The following NDUFAF6 variants were observed in gnomAD, a reference collection of about 807,000 sequenced individuals.
NDUFAF6 encodes NADH dehydrogenase (ubiquinone) complex I, assembly factor 6.
A neutral mutation model predicts 40.8 loss-of-function variants in NDUFAF6; 45 were observed. That is an observed-to-expected ratio of 1.10 (90% CI 0.87 to 1.42). The LOEUF is 1.42. Among genes scored for constraint, NDUFAF6 ranks in the 40% most tolerant of loss-of-function variants. The probability of loss-of-function intolerance (pLI) is 0.00; values close to 1 mark genes in which losing one functional copy is unlikely to be tolerated. For synonymous variants in NDUFAF6, 185 were observed against 155.9 expected, an observed-to-expected ratio of 1.19 and a Z score of -1.39; for missense variants, 435 against 418.5, an observed-to-expected ratio of 1.04 and a Z score of -0.34.
intron 2 of NDUFAF6, among the ~76,000 whole-genome samples, chr8:94,992,057 G>A (rs1002138992): frequency 2.6e-5 from 4 of 152,094 alleles, no homozygotes; most frequent in Admixed American, 6.6e-5. Context: ...GATGGCTTTT[G>A]CCAAATTGCC....
rs1042634444 is a variant in NDUFAF6 at position 94,930,865 on chromosome 8, A to C, written c.-935-14618A>C. The C allele has an allele frequency of 3.1e-5, 32 of 1,045,278 alleles. No individual in the cohort carries two copies. The East Asian group carries it at 8.0e-4, about 26-fold the overall frequency. The allele number at this position is 1,045,278 out of a possible 1,614,324, so 64.8% of individuals were successfully genotyped here. A position where few individuals can be genotyped will look rare whatever the true frequency, so the allele number is the denominator to read the frequency against. On this transcript the variant is annotated intron_variant, in intron 1 of 14. Transcript: ENST00000396113. ...AGAGCTTGTGTTTCATGGCTGACAGACAAGTTTATTATTCTGTGACCCCAC... is the reference window on the plus strand; with the variant it reads ...AGAGCTTGTGTTTCATGGCTGACAGCCAAGTTTATTATTCTGTGACCCCAC...
chr8:95,039,126 G>A (rs987707231), intron 3 of NDUFAF6, among the ~76,000 whole-genome samples: 23 of 151,364 alleles, frequency 1.5e-4, no homozygotes, highest in East Asian at 5.9e-4. Context: ...ACAGTTACCC[G>A]CCACCATGCC....
chr8:94,935,134 T>TAGATAGAC (rs1820844455), intron 1 of NDUFAF6, among the ~76,000 whole-genome samples: 1 of 145,820 alleles, frequency 6.9e-6, no homozygotes. Context: ...TAGATATAGA[T>TAGATAGAC]AGATAGATAG....
chr8:95,009,305 A>G (rs1233926426), intron 2 of NDUFAF6, among the ~76,000 whole-genome samples: 1 of 152,200 alleles, frequency 6.6e-6, no homozygotes, highest in Non-Finnish European at 1.5e-5. Context: ...CACATAATAC[A>G]TATATACCTC....
At chr8:94,954,666 G>A (rs1230460756), upstream of NDUFAF6, among the ~76,000 whole-genome samples, 1 of 111,156 alleles carries the variant, frequency 9.0e-6, no homozygotes, top group Non-Finnish European at 2.0e-5. Flanking sequence ...AAGGCCTGAG[G>A]TAGAAGAGTC....
intron 1 of NDUFAF6, among the ~76,000 whole-genome samples, chr8:94,923,732 T>C (rs1281260243): frequency 1.3e-5 from 2 of 150,714 alleles, no homozygotes; most frequent in Non-Finnish European, 3.0e-5. Context: ...CAGTCTGGAG[T>C]GCAGTGAGGG....
rs528649760 is a variant in NDUFAF6 at position 95,082,647 on chromosome 8, G to GTTTGTTTTGT, written n.213+6914_213+6923dup. Among the ~76,000 whole-genome samples the GTTTGTTTTGT allele has an allele frequency of 4.8e-3, 733 of 151,788 alleles. 4 individuals carry two copies. The highest frequency in any genetic ancestry group is 0.017 in the African/African-American group (690 of 41,288). ...TAGCATTCTTTTTGTTTGTTTGTTT[G>GTTTGTTTTGT]TTTGTTTTGTTTTGTTTTGTTTTGT... is the stretch of plus-strand genomic sequence containing the variant. On this transcript the variant is annotated intron_variant and non_coding_transcript_variant, in intron 2 of 5. Transcript: ENST00000523184.
At chr8:94,987,215 G>A (rs923362736) in intron 2 of NDUFAF6, among the ~76,000 whole-genome samples, 3 of 152,140 alleles carry the variant, frequency 2.0e-5, no homozygotes, top group African/African-American at 7.2e-5. Flanking sequence ...AGCCAATGCA[G>A]CCATAACACA....
downstream of NDUFAF6, among the ~76,000 whole-genome samples, chr8:95,079,995 GT>G (rs1808770314): frequency 1.1e-5 from 1 of 94,378 alleles, no homozygotes. Flanking sequence ...TTTTTGTAGT[GT>G]ATTTTTTGTA....
In NDUFAF6 at chr8:95,025,098, C is replaced by G; in HGVS notation, c.90C>G (p.Tyr30Ter). ...GCCGCCGGCCGCCTCTGGGTCTGTACGCGCGCATGCGGCGGCTGCCCGGGC... is the reference window on the plus strand; with the variant it reads ...GCCGCCGGCCGCCTCTGGGTCTGTAGGCGCGCATGCGGCGGCTGCCCGGGC... ...LCCRRPPLGL[Y>*]ARMRRLPGPE... The change falls in exon 1 of 9, where the codon TAC becomes TAG. Residue 30 changes from tyrosine to a stop codon, truncating the protein, a stop_gained. Coordinates refer to ENST00000396124, the MANE Select transcript of NDUFAF6 (RefSeq NM_152416.4). LOFTEE classifies it high-confidence loss of function. 6.7e-7 allele frequency: 1 copy of G among 1,483,422 alleles called. No homozygotes were observed. The highest frequency in any genetic ancestry group is 8.9e-7 in the Non-Finnish European group (1 of 1,127,500). The allele number at this position is 1,483,422 out of a possible 1,614,324, so 91.9% of individuals were successfully genotyped here.
At chr8:95,104,791 C>T (rs531333626), downstream of NDUFAF6, among the ~76,000 whole-genome samples, 52 of 152,216 alleles carry the variant, frequency 3.4e-4, no homozygotes, top group African/African-American at 1.2e-3. Flanking sequence ...TAGATTGTTC[C>T]AGGCTGGGCA....
intron 2 of NDUFAF6, among the ~76,000 whole-genome samples, chr8:95,034,987 C>T (rs1829319327): frequency 6.6e-6 from 1 of 151,840 alleles, no homozygotes; most frequent in African/African-American, 2.4e-5. Flanking sequence ...TTAAGCGATT[C>T]TCCTGCCTCA....
At chr8:94,935,418 T>C (rs1319018733) in intron 1 of NDUFAF6, among the ~76,000 whole-genome samples, 2 of 152,214 alleles carry the variant, frequency 1.3e-5, no homozygotes, top group Non-Finnish European at 2.9e-5. Flanking sequence ...CTCAGATATT[T>C]CCTAGCTATA....
rs141736588 is a variant in NDUFAF6 at position 94,976,290 on chromosome 8, G to A, written c.-198-4569G>A. 1.4e-3 allele frequency among the ~76,000 whole-genome samples: 220 copies of A among 152,140 alleles called. 1 individual carries two copies. The highest frequency in any genetic ancestry group is 5.1e-3 in the African/African-American group (212 of 41,502). ...GGAGGCAGAGGCAGGCGGATCACGA[G>A]GTCAGGAGGTTGAGACCATCCTAGC... On this transcript the variant is annotated intron_variant, in intron 1 of 9. Coordinates refer to the NDUFAF6 transcript ENST00000396111.
At chr8:94,940,011 C>T in intron 1 of NDUFAF6, 1 of 1,614,148 alleles carries the variant, frequency 6.2e-7, no homozygotes, top group South Asian at 1.1e-5. Context: ...GTGGTTAATC[C>T]ACCTGCAGTA....
intron 2 of NDUFAF6, among the ~76,000 whole-genome samples, chr8:94,945,866 A>C (rs1821940136): frequency 6.6e-6 from 1 of 152,180 alleles, no homozygotes; most frequent in South Asian, 2.1e-4. Context: ...CGACAAGAGA[A>C]AAGAACCCCT....
downstream of NDUFAF6, chr8:95,103,573 G>A (rs1425878369): frequency 2.0e-5 from 3 of 152,162 alleles, no homozygotes; most frequent in African/African-American, 7.2e-5. Context: ...CCTGTGTCAT[G>A]GTCTCTGGTA....
rs74883397 is a variant in NDUFAF6, at chr8:94,974,713, A to C, written c.-198-6146A>C. On this transcript the variant is annotated intron_variant, in intron 1 of 9. Transcript: ENST00000396111. ...CAGGAGGTAGAATGCCATAGGAGAG[A>C]TGCTAAGGAACTTGTGGGCAGAGGT... is the stretch of plus-strand genomic sequence containing the variant. 2.4e-3 allele frequency: 405 copies of C among 168,864 alleles called. 1 individual carries two copies. Among genetic ancestry groups the C allele is most frequent in the African/African-American group, 9.1e-3 (385 of 42,132 alleles). The allele number at this position is 168,864 out of a possible 1,614,324, so 10.5% of individuals were successfully genotyped here.
chr8:95,081,143 C>CTTTTT (rs559573385), downstream of NDUFAF6, among the ~76,000 whole-genome samples: 14 of 57,758 alleles, frequency 2.4e-4, 1 homozygote, highest in African/African-American at 3.2e-4. Context: ...AGTCCTGCAT[C>CTTTTT]TTTTTTTTTT....
Sources: allele counts gnomAD v4.1 joint callset (sites outside exome capture counted in the v4.1 genomes callset), GRCh38; gene constraint gnomAD v4.1.1; transcripts MANE v1.5; gene names NCBI Gene and HGNC (gene_info 2026-07-23, HGNC 2026-07-21).